Variants in CUX2 observed in about 807,000 individuals in gnomAD.
CUX2 encodes the protein cut like homeobox 2.
In CUX2, 40 loss-of-function variants were observed where a neutral mutation model predicts 144.8. The ratio of observed to expected loss-of-function variants is 0.28; its 90% confidence interval spans 0.21 to 0.36. CUX2 has a LOEUF of 0.36. CUX2 is among the 10% of genes least tolerant of loss of function. The probability of loss-of-function intolerance (pLI) is 1.00; values close to 1 mark genes in which losing one functional copy is unlikely to be tolerated. For missense variants in CUX2, 1,615 were observed against 1,994.0 expected (o/e 0.81, Z 3.62); for synonymous variants, 827 against 875.6 (o/e 0.94, Z 0.98).
At chr12:111,093,163 G>A (rs950786125) in intron 1 of CUX2, among the ~76,000 whole-genome samples, 8 of 152,194 alleles carry the variant, frequency 5.3e-5, no homozygotes, top group African/African-American at 1.9e-4. Flanking sequence ...CAGTTGGAAC[G>A]TAGTGGAGCT....
At chr12:111,036,354 G>A (rs1869442463) in intron 1 of CUX2, among the ~76,000 whole-genome samples, 1 of 152,098 alleles carries the variant, frequency 6.6e-6, no homozygotes, top group Non-Finnish European at 1.5e-5. Flanking sequence ...GGGAGGGTGC[G>A]GCTCCCAGGG....
intron 1 of CUX2, among the ~76,000 whole-genome samples, chr12:111,123,729 TTTCACTA>T (rs1161493859): frequency 2.0e-5 from 3 of 151,114 alleles, no homozygotes; most frequent in Non-Finnish European, 4.4e-5. Context: ...AGAGACGGGG[TTTCACTA>T]TGTTGCCCAG....
In CUX2 at chr12:111,338,275, C is replaced by A. The variant is rs775764364; in HGVS notation, c.3197-11C>A. 3 of 1,597,196 alleles carry A rather than the reference C, an allele frequency of 1.9e-6. No homozygotes were observed. Among genetic ancestry groups the A allele is most frequent in the African/African-American group, 1.3e-5 (1 of 74,662 alleles). On this transcript the variant is annotated splice_polypyrimidine_tract_variant and intron_variant, in intron 19 of 21. Coordinates refer to ENST00000261726, the MANE Select transcript of CUX2 (RefSeq NM_015267.4). The stretch of plus-strand genomic sequence containing the variant: ...CTCGGGTAACAGATTGCTCCCCTCC[C>A]CTATCCCCAGGGCAGCGGCTGTTTG...
At chr12:111,060,554 GCA>G (rs1279967612) in intron 1 of CUX2, among the ~76,000 whole-genome samples, 1 of 152,230 alleles carries the variant, frequency 6.6e-6, no homozygotes, top group African/African-American at 2.4e-5. Context: ...CTTGTCACAA[GCA>G]CAGAGTTTGG....
intron 1 of CUX2, among the ~76,000 whole-genome samples, chr12:111,121,581 C>T (rs1401921814): frequency 3.3e-5 from 5 of 151,642 alleles, no homozygotes; most frequent in African/African-American, 7.3e-5. Context: ...AGGCTGGTCT[C>T]GAACTCCTGG....
chr12:111,093,646 G>T (rs1412550252), intron 1 of CUX2, among the ~76,000 whole-genome samples: 1 of 152,138 alleles, frequency 6.6e-6, no homozygotes, highest in Non-Finnish European at 1.5e-5. Context: ...TTGACGGGGG[G>T]GCGATGAACA....
intron 1 of CUX2, among the ~76,000 whole-genome samples, chr12:111,183,517 A>G (rs1349306496): frequency 1.3e-5 from 2 of 152,204 alleles, no homozygotes; most frequent in African/African-American, 4.8e-5. Context: ...CCTGGCTGGG[A>G]GCCAGATTGC....
intron 4 of CUX2, among the ~76,000 whole-genome samples, chr12:111,276,222 G>A (rs890119365): frequency 7.2e-5 from 11 of 152,002 alleles, no homozygotes; most frequent in Admixed American, 2.6e-4. Context: ...GCATGGTGAC[G>A]CGTGCCTGTA....
chr12:111,043,335 G>A (rs535108886), intron 1 of CUX2, among the ~76,000 whole-genome samples: 1 of 152,240 alleles, frequency 6.6e-6, no homozygotes, highest in Admixed American at 6.5e-5. Context: ...ACAAGGTTAG[G>A]GAAAAGCATC....
chr12:111,179,267 C>T (rs1247594689), intron 1 of CUX2, among the ~76,000 whole-genome samples: 1 of 152,170 alleles, frequency 6.6e-6, no homozygotes, highest in Non-Finnish European at 1.5e-5. Flanking sequence ...TAAATCACTT[C>T]CCCTCTCTGA....
intron 1 of CUX2, among the ~76,000 whole-genome samples, chr12:111,101,817 G>A (rs765494983): frequency 6.6e-6 from 1 of 152,068 alleles, no homozygotes; most frequent in Non-Finnish European, 1.5e-5. Context: ...AGATTGGTTC[G>A]GTGTGTCCTA....
intron 1 of CUX2, among the ~76,000 whole-genome samples, chr12:111,128,619 A>G (rs1230818823): frequency 6.6e-6 from 1 of 152,124 alleles, no homozygotes; most frequent in East Asian, 1.9e-4. Flanking sequence ...CATGATGGGT[A>G]GCTCAGAGCA....
At chr12:111,334,794 C>T in intron 19 of CUX2, 84 bp downstream of exon 19, 1 of 1,418,764 alleles carries the variant, frequency 7.0e-7, no homozygotes, top group Admixed American at 2.2e-5. Flanking sequence ...GGAGCTGGGA[C>T]CCAGTGGCTC....
intron 1 of CUX2, among the ~76,000 whole-genome samples, chr12:111,155,924 A>T (rs4766447): frequency 7.6e-5 from 6 of 79,082 alleles, no homozygotes; most frequent in Middle Eastern, 6.8e-3. Flanking sequence ...CTTAAAAAAT[A>T]AAAAAAAAAA....
Position 111,214,280 on chromosome 12 carries a change from C to A in CUX2, c.144C>A (p.Leu48=). Residue 48 remains leucine (L), a synonymous_variant, in exon 2 of 22, where the codon CTC becomes CTA. Transcript: ENST00000261726. The part of the protein sequence containing the change: ...SEHSHKHLIE[L]RREFKKNVPE... ...ATTCTCATAAACATTTAATTGAACT[C>A]CGCCGGGAATTTAAGAAAAATGTAC... 1 of 1,607,800 alleles carries A rather than the reference C, an allele frequency of 6.2e-7. No homozygotes were observed. Among genetic ancestry groups the A allele is most frequent in the South Asian group, 1.1e-5 (1 of 90,056 alleles).
chr12:111,198,908 C>T (rs1880405641), intron 1 of CUX2, among the ~76,000 whole-genome samples: 1 of 152,204 alleles, frequency 6.6e-6, no homozygotes. Flanking sequence ...GAGCAGTAGC[C>T]TGGCCCTCTA....
chr12:111,329,401 G>T (rs1887988662), intron 18 of CUX2, among the ~76,000 whole-genome samples: 1 of 152,022 alleles, frequency 6.6e-6, no homozygotes, highest in Non-Finnish European at 1.5e-5. Flanking sequence ...TCCTGATAGA[G>T]ATAATTTCTG....
intron 1 of CUX2, 77 bp from the exon 2 acceptor site, chr12:111,214,123 T>C (rs2136224740): frequency 1.2e-6 from 1 of 862,520 alleles, no homozygotes; most frequent in East Asian, 2.8e-5. Context: ...TTTTGTACAG[T>C]GGTTAAAAAG....
intron 4 of CUX2, among the ~76,000 whole-genome samples, chr12:111,274,222 G>A (rs1328258424): frequency 6.6e-6 from 1 of 152,120 alleles, no homozygotes; most frequent in African/African-American, 2.4e-5. Context: ...GAGCTACCGC[G>A]CCTGGTGAAG....
Sources: gnomAD v4.1 joint callset for allele counts (sites outside exome capture counted in the v4.1 genomes callset) on GRCh38, gnomAD v4.1.1 for gene constraint, MANE v1.5 for transcripts, NCBI Gene and HGNC (gene_info 2026-07-23, HGNC 2026-07-21) for gene names.